Variants in CPM observed in about 807,000 individuals in gnomAD.
The protein encoded by CPM is renal carboxypeptidase.
A neutral mutation model predicts 46.4 loss-of-function variants in CPM; 35 were observed. The ratio of observed to expected loss-of-function variants is 0.75; its 90% CI spans 0.58 to 1.00. The LOEUF (loss-of-function observed/expected upper bound fraction) is 1.00. Among genes scored for constraint, CPM ranks in the 50% least tolerant of loss-of-function variants. The probability of loss-of-function intolerance (pLI) is 0.00; values close to 1 mark genes in which losing one functional copy is unlikely to be tolerated. For synonymous variants in CPM, 195 were observed against 195.3 expected (o/e 1.00, Z 0.01); for missense variants, 422 against 530.4 (o/e 0.80, Z 2.01).
At chr12:68,878,380 C>T (rs760874905) in intron 3 of CPM, among the ~76,000 whole-genome samples, 1 of 152,172 alleles carries the variant, frequency 6.6e-6, no homozygotes, top group Non-Finnish European at 1.5e-5. Flanking sequence ...AGATTCCAAG[C>T]CTCCCCAATT....
intron 3 of CPM, among the ~76,000 whole-genome samples, chr12:68,872,292 A>T (rs1208308035): frequency 8.1e-6 from 1 of 123,308 alleles, no homozygotes; most frequent in Admixed American, 1.1e-4. Context: ...CAACTCCGTC[A>T]CCCAGGCTGG....
At chr12:68,892,349 G>A (rs536623204) in intron 2 of CPM, among the ~76,000 whole-genome samples, 1 of 152,324 alleles carries the variant, frequency 6.6e-6, no homozygotes, top group Admixed American at 6.5e-5. Flanking sequence ...GGGGCACAAT[G>A]AGGATGGTTT....
chr12:68,870,497 C>T, intron 4 of CPM, 98 bp from the exon 5 acceptor site: 1 of 1,068,138 alleles, frequency 9.4e-7, no homozygotes, highest in Non-Finnish European at 1.3e-6. Context: ...GGTGTCTTTC[C>T]AAACGTGAGT....
intron 2 of CPM, among the ~76,000 whole-genome samples, chr12:68,898,235 C>T (rs907893400): frequency 2.6e-5 from 4 of 151,942 alleles, no homozygotes; most frequent in Non-Finnish European, 2.9e-5. Flanking sequence ...CCCTTTTGAC[C>T]CCAGAAAAGA....
intron 1 of CPM, among the ~76,000 whole-genome samples, chr12:68,959,822 C>T (rs1359406024): frequency 2.0e-5 from 3 of 152,242 alleles, no homozygotes; most frequent in Non-Finnish European, 4.4e-5. Context: ...TGAGGATGAT[C>T]ATGTTTAATA....
At chr12:68,912,194 A>G (rs1208466739) in intron 2 of CPM, among the ~76,000 whole-genome samples, 1 of 152,122 alleles carries the variant, frequency 6.6e-6, no homozygotes, top group Non-Finnish European at 1.5e-5. Flanking sequence ...TTTAGTAGAG[A>G]CGGGGCTTCA....
chr12:68,856,302 TC>T lies in CPM; in HGVS notation c.*134del. The T allele has an allele frequency of 2.0e-6, 2 of 988,590 alleles. No individual in the cohort carries two copies. Among genetic ancestry groups the T allele is most frequent in the South Asian group, 3.3e-5 (2 of 61,130 alleles). The allele number at this position is 988,590 out of a possible 1,614,324, so 61.2% of individuals were successfully genotyped here. A position where few individuals can be genotyped will look rare whatever the true frequency, so the allele number is the denominator to read the frequency against. ...TTGCTTATTGTGGAATTTGGAAACA[TC>T]CATTTCTCTTCTTCAGGAAGATCGT... is the stretch of plus-strand genomic sequence containing the variant. On this transcript the variant is annotated 3_prime_UTR_variant, in exon 9 of 9. Transcript: ENST00000551568.
intron 4 of CPM, among the ~76,000 whole-genome samples, chr12:68,871,400 C>A (rs926330384): frequency 6.6e-6 from 1 of 152,082 alleles, no homozygotes; most frequent in Non-Finnish European, 1.5e-5. Context: ...ATCAGGGGAT[C>A]TAGTGTATGA....
chr12:68,927,301 T>G (rs1201698419), intron 2 of CPM, among the ~76,000 whole-genome samples: 2 of 151,364 alleles, frequency 1.3e-5, no homozygotes, highest in Non-Finnish European at 3.0e-5. Context: ...GATTTGCATT[T>G]CTCTGATGGC....
upstream of CPM, among the ~76,000 whole-genome samples, chr12:68,936,050 G>C (rs1054566832): frequency 3.3e-5 from 5 of 152,122 alleles, no homozygotes; most frequent in Non-Finnish European, 7.4e-5. Context: ...GCAACTTCAG[G>C]AAGGAGTCAG....
intron 2 of CPM, among the ~76,000 whole-genome samples, chr12:68,900,766 A>C (rs1258248662): frequency 6.6e-6 from 1 of 152,204 alleles, no homozygotes; most frequent in Admixed American, 6.5e-5. Context: ...AAGTAAAAGA[A>C]GCCAATCTGA....
At chr12:68,884,110 G>GAAAAAAA (rs35514888) in intron 3 of CPM, among the ~76,000 whole-genome samples, 2 of 63,860 alleles carry the variant, frequency 3.1e-5, no homozygotes, top group Non-Finnish European at 2.8e-5. Context: ...AATTCCATCG[G>GAAAAAAA]AAAAAAAAAA....
intron 2 of CPM, among the ~76,000 whole-genome samples, chr12:68,913,201 C>T (rs78570587): frequency 0.021 from 3,146 of 152,220 alleles, 123 homozygotes; most frequent in African/African-American, 0.072. Flanking sequence ...CTGGAAAGTC[C>T]AAAGTTCCTG....
chr12:68,894,397 C>T (rs75708746), intron 2 of CPM, among the ~76,000 whole-genome samples: 529 of 152,254 alleles, frequency 3.5e-3, no homozygotes, highest in African/African-American at 0.012. Flanking sequence ...AATATTGGCA[C>T]ATAACATCCA....
At chr12:68,860,796 A>G (rs867887139) in intron 7 of CPM, among the ~76,000 whole-genome samples, 7 of 152,324 alleles carry the variant, frequency 4.6e-5, no homozygotes, top group African/African-American at 1.4e-4. Context: ...GGGATAATAT[A>G]CCACCACCCA....
chr12:68,921,341 C>T (rs2454397), intron 2 of CPM, among the ~76,000 whole-genome samples: 78,891 of 151,546 alleles, frequency 0.52, 21,302 homozygotes, highest in Non-Finnish European at 0.6. Context: ...GGGGTTTCAC[C>T]ATGTTGGCCA....
chr12:68,892,345 C>T (rs1886691191), intron 2 of CPM, among the ~76,000 whole-genome samples: 1 of 152,146 alleles, frequency 6.6e-6, no homozygotes, highest in Non-Finnish European at 1.5e-5. Flanking sequence ...TCGAGGGGCA[C>T]AATGAGGATG....
intron 2 of CPM, among the ~76,000 whole-genome samples, chr12:68,924,885 T>C (rs1272273196): frequency 6.6e-6 from 1 of 152,210 alleles, no homozygotes; most frequent in Non-Finnish European, 1.5e-5. Flanking sequence ...ATGAGAGATC[T>C]GTGTATGTGA....
intron 2 of CPM, among the ~76,000 whole-genome samples, chr12:68,931,465 C>A (rs533040206): frequency 6.6e-6 from 1 of 151,864 alleles, no homozygotes; most frequent in African/African-American, 2.4e-5. Context: ...GGTATCTCGG[C>A]CGGGCACGGT....
Sources: allele counts gnomAD v4.1 joint callset (sites outside exome capture counted in the v4.1 genomes callset), GRCh38; gene constraint gnomAD v4.1.1; transcripts MANE v1.5; gene names NCBI Gene and HGNC (gene_info 2026-07-23, HGNC 2026-07-21).